The following GRM3 variants were observed in gnomAD, a reference collection of about 807,000 sequenced individuals.
GRM3 encodes the protein metabotropic glutamate receptor 3.
GRM3 carries 26 observed loss-of-function variants against 70.5 expected under a neutral mutation model. The observed-to-expected ratio is 0.37, with a 90% confidence interval of 0.27 to 0.51. The LOEUF (loss-of-function observed/expected upper bound fraction) is 0.51, where lower values mean the gene tolerates loss of function less well. Among genes scored for constraint, GRM3 ranks in the 20% least tolerant of loss-of-function variants. The probability of loss-of-function intolerance (pLI) is 0.93; values close to 1 mark genes in which losing one functional copy is unlikely to be tolerated. For missense variants in GRM3, 859 were observed against 1,123.8 expected, an observed-to-expected ratio of 0.76 and a Z score of 3.37; for synonymous variants, 443 against 434.9, an observed-to-expected ratio of 1.02 and a Z score of -0.23.
At chr7:86,814,201 A>G (rs1416821318) in intron 3 of GRM3, among the ~76,000 whole-genome samples, 1 of 151,850 alleles carries the variant, frequency 6.6e-6, no homozygotes, top group Non-Finnish European at 1.5e-5. Context: ...GTCTCCAGTG[A>G]TGGATTTGAA....
chr7:86,685,323 AC>A (rs1794536447), intron 1 of GRM3, among the ~76,000 whole-genome samples: 1 of 152,194 alleles, frequency 6.6e-6, no homozygotes, highest in Non-Finnish European at 1.5e-5. Flanking sequence ...GTATCATATT[AC>A]CAGTAAAACT....
Position 86,828,427 on chromosome 7 carries a change from A to G in GRM3, c.1325-10412A>G, listed in dbSNP as rs540677726. 6.6e-5 allele frequency among the ~76,000 whole-genome samples: 10 copies of G among 152,298 alleles called. 1 individual carries two copies. In the East Asian group the frequency reaches 1.9e-3, roughly 29 times the overall value. On this transcript the variant is annotated intron_variant, in intron 3 of 5. Transcript: ENST00000361669. Reference sequence around the variant, plus strand: ...ACACATATAGGCATATTTCAGAAATATTTTACATTCAGTTCTAGGCCATTG... The same window carrying G: ...ACACATATAGGCATATTTCAGAAATGTTTTACATTCAGTTCTAGGCCATTG...
At chr7:86,645,518 A>C (rs1469110751) in intron 1 of GRM3, among the ~76,000 whole-genome samples, 1 of 152,200 alleles carries the variant, frequency 6.6e-6, no homozygotes, top group East Asian at 1.9e-4. Context: ...TGACAGTGAG[A>C]TAACTCAGAG....
chr7:86,864,540 C>T lies in GRM3; in HGVS notation c.*185C>T, dbSNP rs1460857502. The stretch of plus-strand genomic sequence containing the variant: ...AGAACTTTCTAGGCTGAGTCTAGTG[C>T]CCCTATTATTAACAATTCCCCCAGA... On this transcript the variant is annotated 3_prime_UTR_variant, in exon 6 of 6. Transcript: ENST00000361669. 1.9e-6 allele frequency: 1 copy of T among 533,760 alleles called. No homozygotes were observed. The highest frequency in any genetic ancestry group is 3.4e-6 in the Non-Finnish European group (1 of 293,452). 33.1% of individuals were successfully genotyped at this position (533,760 alleles called of 1,614,324 possible). A position where few individuals can be genotyped will look rare whatever the true frequency, so the allele number is the denominator to read the frequency against.
Position 86,850,513 on chromosome 7 carries a change from T to C in GRM3, c.2535T>C (p.Ser845=), listed in dbSNP as rs1798736428. Reference sequence around the variant, plus strand: ...ACAGACTGCACCTCAACAGGTTCAGTGTCAGTGGAACTGGGACCACATACT... The same window carrying C: ...ACAGACTGCACCTCAACAGGTTCAGCGTCAGTGGAACTGGGACCACATACT... ...VTHRLHLNRF[S]VSGTGTTYSQ... is the part of the protein sequence containing the mutation. The change falls in exon 5 of 6, where the codon AGT becomes AGC. Residue 845 remains serine, a synonymous_variant. Transcript: ENST00000361669. 2 of 1,611,326 alleles carry C rather than the reference T, an allele frequency of 1.2e-6. No individual in the cohort carries two copies. Among genetic ancestry groups the C allele is most frequent in the African/African-American group, 1.3e-5 (1 of 74,798 alleles).
chr7:86,848,759 C>T (rs1049942368), intron 4 of GRM3, among the ~76,000 whole-genome samples: 1 of 152,152 alleles, frequency 6.6e-6, no homozygotes, highest in Non-Finnish European at 1.5e-5. Context: ...AGGACTACCT[C>T]AAGACAGTAG....
rs146187727 is a variant in GRM3 at position 86,833,997 on chromosome 7, T to C, written c.1325-4842T>C. 5.2e-3 allele frequency among the ~76,000 whole-genome samples: 787 copies of C among 152,332 alleles called. 6 individuals carry two copies. The highest frequency in any genetic ancestry group is 0.018 in the African/African-American group (745 of 41,586). ...TTCCACCAAAAGTAGCATTTGTTTA[T>C]TCACCACCCACTTTTCAAGCAGTTG... On this transcript the variant is annotated intron_variant, in intron 3 of 5. Coordinates refer to ENST00000361669, the MANE Select transcript of GRM3 (RefSeq NM_000840.3).
chr7:86,812,674 C>T (rs911384471), intron 3 of GRM3, among the ~76,000 whole-genome samples: 30 of 151,724 alleles, frequency 2.0e-4, no homozygotes, highest in Middle Eastern at 3.4e-3. Flanking sequence ...CAGCATTTGC[C>T]GGGCATATCA....
At chr7:86,859,884 A>G (rs1018675293) in intron 5 of GRM3, among the ~76,000 whole-genome samples, 2 of 152,216 alleles carry the variant, frequency 1.3e-5, no homozygotes, top group African/African-American at 2.4e-5. Flanking sequence ...CAAAGCTGCC[A>G]CTTGGTTACA....
intron 3 of GRM3, among the ~76,000 whole-genome samples, chr7:86,820,551 CA>C (rs1484581270): frequency 1.3e-4 from 20 of 152,040 alleles, no homozygotes; most frequent in African/African-American, 4.8e-4. Context: ...GTATTAACCC[CA>C]AAGGTACTGG....
intron 1 of GRM3, among the ~76,000 whole-genome samples, chr7:86,659,940 A>G (rs1287823324): frequency 6.6e-6 from 1 of 152,072 alleles, no homozygotes; most frequent in East Asian, 1.9e-4. Flanking sequence ...TCCCAGAAAC[A>G]AAAAGTCTCA....
intron 1 of GRM3, among the ~76,000 whole-genome samples, chr7:86,753,902 G>A (rs1348296939): frequency 6.6e-6 from 1 of 152,072 alleles, no homozygotes; most frequent in Non-Finnish European, 1.5e-5. Context: ...CCAATTTTAA[G>A]GTGCCAGCAT....
chr7:86,671,072 C>T (rs76651815), intron 1 of GRM3, among the ~76,000 whole-genome samples: 4,097 of 152,206 alleles, frequency 0.027, 167 homozygotes, highest in African/African-American at 0.093. Flanking sequence ...ATTCTGTCTC[C>T]CAGGCTGGAG....
intron 1 of GRM3, among the ~76,000 whole-genome samples, chr7:86,744,225 GACT>G (rs1796051823): frequency 6.6e-6 from 1 of 151,988 alleles, no homozygotes; most frequent in Non-Finnish European, 1.5e-5. Context: ...GTATAAGTAA[GACT>G]ATTAGAGAAT....
intron 3 of GRM3, among the ~76,000 whole-genome samples, chr7:86,803,811 C>T (rs1279633902): frequency 2.0e-5 from 3 of 152,082 alleles, no homozygotes; most frequent in African/African-American, 7.2e-5. Context: ...ACCACAAAAG[C>T]TCACTCAGTC....
chr7:86,843,205 T>C (rs1294109709), intron 4 of GRM3, among the ~76,000 whole-genome samples: 1 of 152,222 alleles, frequency 6.6e-6, no homozygotes, highest in Non-Finnish European at 1.5e-5. Context: ...AGCTCACTTA[T>C]CTTCATTTTG....
chr7:86,746,341 TTATATATATATATA>T (rs59930404), intron 1 of GRM3, among the ~76,000 whole-genome samples: 4 of 87,486 alleles, frequency 4.6e-5, no homozygotes, highest in South Asian at 4.3e-4. Context: ...CAGTCATGTA[TTATATATATATATA>T]TATATATATA....
intron 3 of GRM3, among the ~76,000 whole-genome samples, chr7:86,816,522 A>T (rs1184837041): frequency 6.6e-6 from 1 of 151,812 alleles, no homozygotes; most frequent in East Asian, 1.9e-4. Flanking sequence ...TTTAGCTCCC[A>T]CTTGCAAGTG....
intron 5 of GRM3, 72 bp downstream of exon 5, chr7:86,850,616 C>T: frequency 1.1e-6 from 1 of 949,578 alleles, no homozygotes; most frequent in Admixed American, 1.7e-5. Context: ...CAAGAACAGG[C>T]AACACATGTC....
Sources: allele counts gnomAD v4.1 joint callset (sites outside exome capture counted in the v4.1 genomes callset), GRCh38; gene constraint gnomAD v4.1.1; transcripts MANE v1.5; gene names NCBI Gene and HGNC (gene_info 2026-07-23, HGNC 2026-07-21).